The following CCDC73 variants were observed in gnomAD, a reference collection of about 807,000 sequenced individuals.
The protein encoded by CCDC73 is coiled-coil domain-containing protein 73.
In CCDC73, 95 loss-of-function variants were observed where a neutral mutation model predicts 116.5. The ratio of observed to expected loss-of-function variants is 0.82; its 90% CI spans 0.69 to 0.97. The LOEUF is 0.97. Among genes scored for constraint, CCDC73 ranks in the 50% least tolerant of loss-of-function variants. CCDC73 has a pLI of 0.00. For missense variants in CCDC73, 1,066 were observed against 1,206.8 expected, an observed-to-expected ratio of 0.88 and a Z score of 1.73; for synonymous variants, 398 against 401.3, an observed-to-expected ratio of 0.99 and a Z score of 0.10.
At chr11:32,800,290 A>T in the CCDC73 span, among the ~76,000 whole-genome samples, 1 of 151,950 alleles carries the variant, frequency 6.6e-6, no homozygotes, top group East Asian at 1.9e-4. Context: ...TTATTTATTT[A>T]TTTTATTTAA....
chr11:32,786,320 T>C (rs1850625856), intron 1 of CCDC73, among the ~76,000 whole-genome samples: 1 of 147,826 alleles, frequency 6.8e-6, no homozygotes, highest in Non-Finnish European at 1.5e-5. Context: ...TTTATAACAA[T>C]AAATCTGTTA....
chr11:32,665,875 A>G (rs1424988357), intron 9 of CCDC73, among the ~76,000 whole-genome samples: 1 of 152,078 alleles, frequency 6.6e-6, no homozygotes, highest in African/African-American at 2.4e-5. Flanking sequence ...ATCTCTCAGC[A>G]TTTGCTTGTC....
At chr11:32,793,222 C>A (rs951382368) in intron 1 of CCDC73, among the ~76,000 whole-genome samples, 4 of 152,184 alleles carry the variant, frequency 2.6e-5, no homozygotes, top group African/African-American at 9.7e-5. Context: ...ACAACTACCC[C>A]CAAGGCAACC....
rs577300011 is a variant in CCDC73, at chr11:32,718,159, A to G, written c.136-12T>C. 4.5e-6 allele frequency: 7 copies of G among 1,565,400 alleles called. No individual in the cohort carries two copies. The South Asian group carries it at 8.0e-5, about 18-fold the overall frequency. On this transcript the variant is annotated splice_polypyrimidine_tract_variant and intron_variant, in intron 2 of 17. Coordinates refer to ENST00000335185, the MANE Select transcript of CCDC73 (RefSeq NM_001008391.4). ...TGAATTTCTGCTTCCTAAGTCAAAA[A>G]GAAAAAGAAAAGTGCTATAAAAATA...
chr11:32,776,052 C>T (rs1413013946), intron 1 of CCDC73, among the ~76,000 whole-genome samples: 1 of 152,158 alleles, frequency 6.6e-6, no homozygotes, highest in African/African-American at 2.4e-5. Context: ...CTCTCTGCTT[C>T]TCCACCTCTT....
At chr11:32,619,267 T>C (rs561389257) in intron 14 of CCDC73, among the ~76,000 whole-genome samples, 242 of 152,172 alleles carry the variant, frequency 1.6e-3, no homozygotes, top group African/African-American at 5.6e-3. Flanking sequence ...TGGTGTTTGC[T>C]GAGTTTTCTT....
At chr11:32,618,831 C>A (rs1031991731) in intron 14 of CCDC73, among the ~76,000 whole-genome samples, 4 of 152,144 alleles carry the variant, frequency 2.6e-5, no homozygotes, top group African/African-American at 9.7e-5. Context: ...GGATTACAGG[C>A]ATGAGCCACC....
chr11:32,697,473 T>C (rs1856321864), intron 6 of CCDC73, among the ~76,000 whole-genome samples: 1 of 144,510 alleles, frequency 6.9e-6, no homozygotes, highest in African/African-American at 2.5e-5. Flanking sequence ...TTGTTATATC[T>C]CTTTATTCTT....
chr11:32,652,197 G>A (rs1390997914), intron 12 of CCDC73, among the ~76,000 whole-genome samples: 7 of 151,918 alleles, frequency 4.6e-5, no homozygotes, highest in East Asian at 1.9e-4. Flanking sequence ...CCAGCTACTC[G>A]GGAGGCTGAG....
intron 9 of CCDC73, among the ~76,000 whole-genome samples, chr11:32,673,703 C>G (rs969297862): frequency 2.0e-5 from 3 of 152,178 alleles, no homozygotes; most frequent in Non-Finnish European, 4.4e-5. Context: ...TTACCCTAAA[C>G]AAGTGTATGT....
the CCDC73 span, among the ~76,000 whole-genome samples, chr11:32,808,905 CT>C: frequency 6.6e-6 from 1 of 152,168 alleles, no homozygotes; most frequent in African/African-American, 2.4e-5. Context: ...TCTGCCAGTA[CT>C]TTTTTCTATT....
At chr11:32,622,673 GAAA>G (rs35050125) in intron 14 of CCDC73, among the ~76,000 whole-genome samples, 1 of 116,254 alleles carries the variant, frequency 8.6e-6, no homozygotes, top group Non-Finnish European at 1.7e-5. Flanking sequence ...AAATAAAATT[GAAA>G]AAAAAAAAAA....
intron 2 of CCDC73, among the ~76,000 whole-genome samples, chr11:32,726,489 T>C (rs1464091409): frequency 1.3e-5 from 2 of 151,814 alleles, no homozygotes; most frequent in African/African-American, 4.8e-5. Flanking sequence ...CAGAAAAAAA[T>C]AGCTAGACTG....
intron 7 of CCDC73, among the ~76,000 whole-genome samples, chr11:32,678,902 A>ATG: frequency 7.2e-6 from 1 of 138,330 alleles, no homozygotes; most frequent in East Asian, 2.0e-4. Context: ...AAAAAAATAT[A>ATG]TATATATACA....
intron 14 of CCDC73, among the ~76,000 whole-genome samples, chr11:32,628,111 A>C (rs1253483408): frequency 6.6e-6 from 1 of 152,202 alleles, no homozygotes; most frequent in Non-Finnish European, 1.5e-5. Flanking sequence ...TCCCACTGTA[A>C]ATTACTAGTA....
chr11:32,716,145 T>C (rs1716737222), intron 3 of CCDC73, among the ~76,000 whole-genome samples: 1 of 152,200 alleles, frequency 6.6e-6, no homozygotes, highest in African/African-American at 2.4e-5. Flanking sequence ...TGGTGATATT[T>C]GAGGGAATGC....
At chr11:32,790,514 T>C (rs1850665512) in intron 1 of CCDC73, among the ~76,000 whole-genome samples, 1 of 152,194 alleles carries the variant, frequency 6.6e-6, no homozygotes. Flanking sequence ...GGAAAAGCCT[T>C]GAGAGCATAG....
intron 1 of CCDC73, among the ~76,000 whole-genome samples, chr11:32,788,473 A>C (rs1381562249): frequency 6.7e-6 from 1 of 149,876 alleles, no homozygotes; most frequent in African/African-American, 2.5e-5. Flanking sequence ...TGATGGTACA[A>C]ATCTTTTTTT....
chr11:32,696,607 TA>T (rs1248244145), intron 6 of CCDC73, among the ~76,000 whole-genome samples: 4 of 152,012 alleles, frequency 2.6e-5, no homozygotes, highest in East Asian at 1.9e-4. Context: ...TTTGCATATA[TA>T]TTTTTTTTGT....
Sources: allele counts gnomAD v4.1 joint callset (sites outside exome capture counted in the v4.1 genomes callset), GRCh38; gene constraint gnomAD v4.1.1; transcripts MANE v1.5; gene names NCBI Gene and HGNC (gene_info 2026-07-23, HGNC 2026-07-21).